ZNF577: variants seen among roughly 807,000 people sequenced by gnomAD.
The protein encoded by ZNF577 is zinc finger protein 577.
In ZNF577, 14 loss-of-function variants were observed where a neutral mutation model predicts 13.9. That is an observed-to-expected ratio of 1.00 (90% CI 0.66 to 1.57). The LOEUF is 1.57. Among genes scored for constraint, ZNF577 ranks in the 40% most tolerant of loss-of-function variants. The pLI is 0.00. For synonymous variants in ZNF577, 203 were observed against 202.9 expected (o/e 1.00, Z 0.00); for missense variants, 555 against 579.2 (o/e 0.96, Z 0.43).
chr19:51,854,616 G>C (rs2084399909), intron 5 of ZNF577, among the ~76,000 whole-genome samples: 1 of 150,788 alleles, frequency 6.6e-6, no homozygotes, highest in Non-Finnish European at 1.5e-5. Flanking sequence ...TTACAAGTGA[G>C]AGCCACTGTG....
At chr19:51,819,439 T>A (rs2084171332) in intron 9 of ZNF577, among the ~76,000 whole-genome samples, 1 of 152,210 alleles carries the variant, frequency 6.6e-6, no homozygotes, top group African/African-American at 2.4e-5. Flanking sequence ...GGTGGCCAAT[T>A]GAGCTGTAAA....
At chr19:51,883,283 G>C (rs774356752) in intron 1 of ZNF577, among the ~76,000 whole-genome samples, 1 of 151,628 alleles carries the variant, frequency 6.6e-6, no homozygotes, top group South Asian at 2.1e-4. Flanking sequence ...GAGCTACTGT[G>C]CCTGGCCAAA....
rs1394625793 is a variant in ZNF577, at chr19:51,867,644, G to A, written c.*4888C>T. On this transcript the variant is annotated 3_prime_UTR_variant, in exon 6 of 6. Coordinates refer to ENST00000638348, the MANE Select transcript of ZNF577 (RefSeq NM_001370449.1). ...AAAAAAAAAAAAAAAAATTAGCCGG[G>A]TGTGGTGGCAGGCACCTGTAATCCC... 6.6e-6 allele frequency among the ~76,000 whole-genome samples: 1 copy of A among 151,558 alleles called. No individual in the cohort carries two copies. Among genetic ancestry groups the A allele is most frequent in the African/African-American group, 2.4e-5 (1 of 41,328 alleles).
At chr19:51,829,281 A>G (rs1364125807) in intron 9 of ZNF577, among the ~76,000 whole-genome samples, 1 of 152,180 alleles carries the variant, frequency 6.6e-6, no homozygotes, top group Non-Finnish European at 1.5e-5. Flanking sequence ...ACAAGCTGGC[A>G]CTGTGGGCAT....
At chr19:51,809,625 C>A (rs758889164) in intron 10 of ZNF577, among the ~76,000 whole-genome samples, 1 of 152,208 alleles carries the variant, frequency 6.6e-6, no homozygotes, top group Non-Finnish European at 1.5e-5. Context: ...ATTTCTCCTT[C>A]ATAATCAGAG....
At chr19:51,840,881 G>C (rs1000211444) in intron 8 of ZNF577, 1 of 152,074 alleles carries the variant, frequency 6.6e-6, no homozygotes, top group Non-Finnish European at 1.5e-5. Flanking sequence ...AAAACTACTT[G>C]AGAACTTTTA....
chr19:51,830,845 C>T, intron 9 of ZNF577, among the ~76,000 whole-genome samples: 1 of 152,168 alleles, frequency 6.6e-6, no homozygotes, highest in Non-Finnish European at 1.5e-5. Context: ...GTTCCTATAA[C>T]TTGAAATCCC....
Position 51,851,974 on chromosome 19 carries a change from G to GT in ZNF577, c.284-7044dup, listed in dbSNP as rs1415078609. On this transcript the variant is annotated intron_variant and NMD_transcript_variant, in intron 5 of 10. Transcript: ENST00000638827. ...CATCCCCAAGTCACGAATCCCTACA[G>GT]TGGCGCATTCCAGCAGTTCACAGAA... Among the ~76,000 whole-genome samples, 3 of 152,200 alleles carry GT rather than the reference G, an allele frequency of 2.0e-5. No homozygotes were observed. In the East Asian group the frequency reaches 5.8e-4, roughly 29 times the overall value.
chr19:51,861,475 T>C (rs1185230775), intron 5 of ZNF577: 1 of 152,330 alleles, frequency 6.6e-6, no homozygotes, highest in Non-Finnish European at 1.5e-5. Flanking sequence ...AGGGATATCT[T>C]CAAAAAAGAA....
At chr19:51,850,953 T>C (rs1599852819) in intron 5 of ZNF577, among the ~76,000 whole-genome samples, 1 of 152,182 alleles carries the variant, frequency 6.6e-6, no homozygotes, top group Non-Finnish European at 1.5e-5. Flanking sequence ...AGTTAGTAAG[T>C]TGAAGGTGAT....
In ZNF577 at chr19:51,872,332, T is replaced by TTGATA; in HGVS notation, c.*199_*200insTATCA. On this transcript the variant is annotated 3_prime_UTR_variant, in exon 6 of 6. Coordinates refer to ENST00000638348, the MANE Select transcript of ZNF577 (RefSeq NM_001370449.1). ...TCTTTTGATACCAATTGAGATATCA[T>TTGATA]CTCCAGGTAAAGACTTCCTCATAAC... The TTGATA allele has an allele frequency of 2.0e-6, 1 of 497,500 alleles. No individual in the cohort carries two copies. Among genetic ancestry groups the TTGATA allele is most frequent in the Non-Finnish European group, 3.5e-6 (1 of 283,328 alleles). 30.8% of individuals were successfully genotyped at this position (497,500 alleles called of 1,614,324 possible).
At chr19:51,859,145 T>G (rs569013309) in intron 5 of ZNF577, among the ~76,000 whole-genome samples, 5 of 152,194 alleles carry the variant, frequency 3.3e-5, no homozygotes, top group Non-Finnish European at 7.4e-5. Context: ...TGGGGCTCAT[T>G]CATGCAACAT....
At chr19:51,831,082 G>C (rs1200411205) in intron 9 of ZNF577, among the ~76,000 whole-genome samples, 1 of 152,054 alleles carries the variant, frequency 6.6e-6, no homozygotes, top group Admixed American at 6.6e-5. Context: ...AATGTCTTAA[G>C]TCCCAAATAT....
intron 5 of ZNF577, among the ~76,000 whole-genome samples, chr19:51,859,160 T>C (rs973573111): frequency 1.6e-4 from 25 of 152,220 alleles, no homozygotes; most frequent in African/African-American, 6.0e-4. Flanking sequence ...CAACATGTCA[T>C]CAGTACTTCA....
Position 51,873,279 on chromosome 19 carries a change from T to C in ZNF577, c.711A>G (p.Thr237=), listed in dbSNP as rs1292563445. Residue 237 remains threonine, a synonymous_variant, in exon 6 of 6, where the codon ACA becomes ACG. Transcript: ENST00000638348. The part of the protein sequence containing the change: ...SQLMVHQRTH[T]GEKPYRCSKC... The stretch of plus-strand genomic sequence containing the variant: ...TGCTGCATCTGTAGGGTTTCTCTCC[T>C]GTATGGGTTCTCTGATGGACCATGA... 18 of 1,613,186 alleles carry C rather than the reference T, an allele frequency of 1.1e-5. No homozygotes were observed. Among genetic ancestry groups the C allele is most frequent in the Non-Finnish European group, 1.5e-5 (18 of 1,179,312 alleles).
chr19:51,824,777 A>C lies in ZNF577; in HGVS notation c.*600-13103T>G. The C allele has an allele frequency of 3.7e-6, 6 of 1,613,332 alleles. No individual in the cohort carries two copies. Among genetic ancestry groups the C allele is most frequent in the Non-Finnish European group, 5.1e-6 (6 of 1,179,746 alleles). ...GCAACACAGACACCACTTCTGCTTCACCTCCTGAGGAGACGGAGTTACAAG... is the reference window on the plus strand; with the variant it reads ...GCAACACAGACACCACTTCTGCTTCCCCTCCTGAGGAGACGGAGTTACAAG... On this transcript the variant is annotated intron_variant and NMD_transcript_variant, in intron 9 of 10. Coordinates refer to the ZNF577 transcript ENST00000638827. The surrounding 1 kb of genome is among the most constrained non-coding windows in gnomAD (Gnocchi z 4.7).
intron 10 of ZNF577, among the ~76,000 whole-genome samples, chr19:51,807,288 C>T (rs993247078): frequency 6.6e-6 from 1 of 152,082 alleles, no homozygotes; most frequent in Non-Finnish European, 1.5e-5. Context: ...AAACAGTAGG[C>T]GCTAGATTTC....
At chr19:51,813,313 C>T (rs963883358) in intron 9 of ZNF577, among the ~76,000 whole-genome samples, 1 of 152,100 alleles carries the variant, frequency 6.6e-6, no homozygotes, top group African/African-American at 2.4e-5. Context: ...CTATAGGACT[C>T]TTATAAGGCA....
At chr19:51,879,296 A>T (rs1402520770) in intron 3 of ZNF577, among the ~76,000 whole-genome samples, 1 of 147,268 alleles carries the variant, frequency 6.8e-6, no homozygotes, top group Non-Finnish European at 1.5e-5. Context: ...ATGGCTGGGC[A>T]TGGTGGCTCA....
Sources: gnomAD v4.1 joint callset for allele counts (sites outside exome capture counted in the v4.1 genomes callset) on GRCh38, gnomAD v4.1.1 for gene constraint, Gnocchi (gnomAD v3.1) non-coding constraint, MANE v1.5 for transcripts, NCBI Gene and HGNC (gene_info 2026-07-23, HGNC 2026-07-21) for gene names.